The following SH2D3A variants were observed in gnomAD, a reference collection of about 807,000 sequenced individuals.
SH2D3A encodes the protein SH2 domain-containing protein 3A.
SH2D3A carries 46 observed loss-of-function variants against 50.6 expected under a neutral mutation model. The ratio of observed to expected loss-of-function variants is 0.91; its 90% CI spans 0.72 to 1.16. The LOEUF is 1.16. Ranked by LOEUF, SH2D3A falls within the 50% of genes most tolerant of loss-of-function variation. The pLI, the probability that SH2D3A is intolerant of heterozygous loss-of-function variation, is 0.00. For missense variants in SH2D3A, 783 were observed against 786.2 expected (o/e 1.00, Z 0.05); for synonymous variants, 377 against 348.4 (o/e 1.08, Z -0.91).
At chr19:6,756,425 ACTTT>A (rs1159110609) in intron 4 of SH2D3A, among the ~76,000 whole-genome samples, 2 of 151,598 alleles carry the variant, frequency 1.3e-5, no homozygotes, top group East Asian at 1.9e-4. Context: ...AGCTTATTAA[ACTTT>A]CTTTTCTTTT....
rs772945267 is a variant in SH2D3A, at chr19:6,754,813, TCCCAGGAGGTGA to T, written c.981+6_981+17del. The T allele has an allele frequency of 6.2e-7, 1 of 1,609,508 alleles. No individual in the cohort carries two copies. The highest frequency in any genetic ancestry group is 8.5e-7 in the Non-Finnish European group (1 of 1,176,886). On this transcript the variant is annotated splice_donor_region_variant and intron_variant, in intron 5 of 9. Coordinates refer to ENST00000245908, the MANE Select transcript of SH2D3A (RefSeq NM_005490.3). ...CTTGCCCTGGGCCTGGGGAGGAGCATCCCAGGAGGTGACCCACCTGGCAGTCTACCAATAGCA... is the reference window on the plus strand; with the variant it reads ...CTTGCCCTGGGCCTGGGGAGGAGCATCCCACCTGGCAGTCTACCAATAGCA...
At chr19:6,757,477 C>G (rs906979075) in intron 4 of SH2D3A, 5 of 152,046 alleles carry the variant, frequency 3.3e-5, no homozygotes, top group African/African-American at 1.2e-4. Flanking sequence ...AACACCACAC[C>G]CAGCTACCCA....
In SH2D3A at chr19:6,754,704, C is replaced by G. The variant is rs750501777; in HGVS notation, c.1009G>C (p.Asp337His). 5.0e-6 allele frequency: 8 copies of G among 1,614,074 alleles called. No individual in the cohort carries two copies. The highest frequency in any genetic ancestry group is 5.9e-6 in the Non-Finnish European group (7 of 1,180,038). ...GAGACTCCCATGTTGCCCCGCTGAT[C>G]TCTGGTCACTCCCAGGAGGCCTGTG... ...QATGLLGVTRDQRGNMGVSSG... is the reference protein window; with the variant it reads ...QATGLLGVTRHQRGNMGVSSG... Residue 337 changes from aspartate to histidine, a missense_variant, in exon 6 of 10, where the codon GAT becomes CAT. Transcript: ENST00000245908.
At position 6,753,513 on chromosome 19, in the gene SH2D3A, G is replaced by T; in HGVS notation, c.1513C>A (p.Arg505Ser). Residue 505 changes from arginine to serine, a missense_variant, in exon 9 of 10, where the codon CGT (arginine) becomes AGT (serine). Transcript: ENST00000245908. ...ERLLRTLHGARHMVRDAPKFR... is the reference protein window; with the variant it reads ...ERLLRTLHGASHMVRDAPKFR... ...TTGGGTGCGTCCCGGACCATGTGAC[G>T]CGCCCCGTGCAGGGTGCGCAACAGC... is the stretch of plus-strand genomic sequence containing the variant. The T allele has an allele frequency of 6.4e-7, 1 of 1,557,074 alleles. No homozygotes were observed. The highest frequency in any genetic ancestry group is 8.7e-7 in the Non-Finnish European group (1 of 1,150,962).
intron 3 of SH2D3A, 138 bp downstream of exon 3, chr19:6,760,500 G>A (rs1599590162): frequency 2.9e-6 from 2 of 678,902 alleles, no homozygotes; most frequent in East Asian, 5.9e-5. Context: ...GGAGGTTGCA[G>A]TGAGCTGAAA....
rs7258083 is a variant in SH2D3A, at chr19:6,760,997, A to G, written c.70-10T>C. On this transcript the variant is annotated splice_polypyrimidine_tract_variant and intron_variant, in intron 2 of 9. Transcript: ENST00000245908. Reference sequence around the variant, plus strand: ...GAAGAGCTTCAGCCTTCTGTGGATGAAGTTCAGGGGGCAGGGGAATTAGGA... The same window carrying G: ...GAAGAGCTTCAGCCTTCTGTGGATGGAGTTCAGGGGGCAGGGGAATTAGGA... 209,190 of 1,597,178 alleles carry G rather than the reference A, an allele frequency of 0.13. 15,927 individuals are homozygous for G. The highest frequency in any genetic ancestry group is 0.28 in the African/African-American group (21,166 of 74,652).
In SH2D3A at chr19:6,760,806, T is replaced by C; in HGVS notation, c.251A>G (p.Gln84Arg). Residue 84 changes from glutamine (Q) to arginine (R), a missense_variant, in exon 3 of 10, where the codon CAA (glutamine) becomes CGA (arginine). By Grantham distance (43) the Gln-to-Arg change is conservative (BLOSUM62 1). Coordinates refer to ENST00000245908, the MANE Select transcript of SH2D3A (RefSeq NM_005490.3). ...AACCAGAGCCGGTATGCTGGGGAAT[T>C]GCTCATCCTCCAGTTGAAAGAGGGC... is the stretch of plus-strand genomic sequence containing the variant. ...PTALFQLEDE[Q>R]FPSIPALVHS... 6.2e-7 allele frequency: 1 copy of C among 1,614,240 alleles called. No individual in the cohort carries two copies. Among genetic ancestry groups the C allele is most frequent in the South Asian group, 1.1e-5 (1 of 91,088 alleles).
At chr19:6,763,618 C>G in intron 2 of SH2D3A, 62 bp downstream of exon 2, 1 of 1,517,748 alleles carries the variant, frequency 6.6e-7, no homozygotes, top group Non-Finnish European at 9.0e-7. Flanking sequence ...ACCCAGGAAT[C>G]CTCAGCAAGG....
rs984771407 is a variant in SH2D3A at position 6,755,244 on chromosome 19, G to A, written c.568C>T (p.Pro190Ser). 2.6e-6 allele frequency: 4 copies of A among 1,532,788 alleles called. No individual in the cohort carries two copies. The highest frequency in any genetic ancestry group is 3.5e-6 in the Non-Finnish European group (4 of 1,140,204). The allele number at this position is 1,532,788 out of a possible 1,614,324, so 94.9% of individuals were successfully genotyped here. Residue 190 changes from proline (P) to serine (S), a missense_variant, in exon 5 of 10, where the codon CCC becomes TCC. Physicochemically the swap from Pro to Ser is moderately conservative, Grantham distance 74. Coordinates refer to ENST00000245908, the MANE Select transcript of SH2D3A (RefSeq NM_005490.3). ...SDPVLLKAPAPLGTVADSLRA... is the reference protein window; with the variant it reads ...SDPVLLKAPASLGTVADSLRA... ...AGACTGTCGGCAACAGTTCCCAGGG[G>A]AGCAGGGGCCTTCAGCAACACCGGG... is the stretch of plus-strand genomic sequence containing the variant.
chr19:6,756,634 TA>T (rs1969696164), intron 4 of SH2D3A, among the ~76,000 whole-genome samples: 1 of 152,140 alleles, frequency 6.6e-6, no homozygotes, highest in African/African-American at 2.4e-5. Context: ...CTTAAAACTG[TA>T]CTAAGACTTT....
At chr19:6,763,605 G>A in intron 2 of SH2D3A, 75 bp downstream of exon 2, 2 of 1,432,618 alleles carry the variant, frequency 1.4e-6, no homozygotes, top group Non-Finnish European at 9.6e-7. Context: ...CCCTCATCCA[G>A]GGACCCAGGA....
At chr19:6,753,434 C>A in intron 9 of SH2D3A, 22 bp downstream of exon 9, 1 of 1,477,612 alleles carries the variant, frequency 6.8e-7, no homozygotes, top group South Asian at 1.3e-5. Context: ...AGTCTGCAGT[C>A]CAGCGCAGAG....
In SH2D3A at chr19:6,754,933, C is replaced by A; in HGVS notation, c.879G>T (p.Gln293His). 1 of 1,613,244 alleles carries A rather than the reference C, an allele frequency of 6.2e-7. No individual in the cohort carries two copies. Among genetic ancestry groups the A allele is most frequent in the Non-Finnish European group, 8.5e-7 (1 of 1,179,472 alleles). ...GGACTTGGGGTTCCAGGGGCCGATT[C>A]TGGGGGCCCAGCAGGCAGGAGGGGG... Reference protein sequence around the residue: ...HDAPSCLLGPQNRPLEPQVLH... With the variant: ...HDAPSCLLGPHNRPLEPQVLH... The change falls in exon 5 of 10, where the codon CAG becomes CAT. Residue 293 changes from glutamine to histidine, a missense_variant. Physicochemically the swap from Gln to His is conservative, Grantham distance 24. Coordinates refer to ENST00000245908, the MANE Select transcript of SH2D3A (RefSeq NM_005490.3).
intron 9 of SH2D3A, 176 bp downstream of exon 9, chr19:6,753,280 G>GA: frequency 3.0e-6 from 3 of 985,448 alleles, no homozygotes; most frequent in Non-Finnish European, 3.6e-6. Flanking sequence ...AATACCGCTG[G>GA]ATGCAGCGTT....
chr19:6,761,007 G>A lies in SH2D3A; in HGVS notation c.70-20C>T, dbSNP rs542474671. ...AGCCTTCTGTGGATGAAGTTCAGGG[G>A]GCAGGGGAATTAGGAATGAGTCCAG... is the stretch of plus-strand genomic sequence containing the variant. On this transcript the variant is annotated intron_variant, in intron 2 of 9. Coordinates refer to ENST00000245908, the MANE Select transcript of SH2D3A (RefSeq NM_005490.3). 1.0e-5 allele frequency: 16 copies of A among 1,580,442 alleles called. No homozygotes were observed. The highest frequency in any genetic ancestry group is 9.2e-5 in the South Asian group (8 of 86,996).
rs762618656 is a variant in SH2D3A at position 6,755,017 on chromosome 19, C to T, written c.795G>A (p.Glu265=). Residue 265 remains glutamate (E), a synonymous_variant, in exon 5 of 10, where the codon GAG becomes GAA. Coordinates refer to ENST00000245908, the MANE Select transcript of SH2D3A (RefSeq NM_005490.3). The stretch of plus-strand genomic sequence containing the variant: ...GTCTTGTAAAACATCTATTCTCTTC[C>T]TCCTCATCCTCCTCGGCCTCCCACC... ...APWWEAEEDE[E]EENRCFTRPQ... 3.7e-6 allele frequency: 6 copies of T among 1,613,638 alleles called. No individual in the cohort carries two copies. In the Admixed American group the frequency reaches 6.7e-5, roughly 18 times the overall value.
At position 6,754,861 on chromosome 19, in the gene SH2D3A, G is replaced by A. The variant is rs748533528; in HGVS notation, c.951C>T (p.Thr317=). ...AGTCTACCAATAGCAGGTGAAGGGC[G>A]GTGCTCCCAGGATGGTGCTCCAGGA... The part of the protein sequence containing the change: ...GLFLEHHPGS[T]ALHLLLVDCQ... The change falls in exon 5 of 10, where the codon ACC becomes ACT. Residue 317 remains threonine, a synonymous_variant. Transcript: ENST00000245908. 58 of 1,598,082 alleles carry A rather than the reference G, an allele frequency of 3.6e-5. No individual in the cohort carries two copies. In the Admixed American group the frequency reaches 3.7e-4, roughly 10 times the overall value.
chr19:6,755,092 A>G lies in SH2D3A; in HGVS notation c.720T>C (p.Ser240=). The change falls in exon 5 of 10, where the codon AGT becomes AGC. Residue 240 remains serine (S), a synonymous_variant. Transcript: ENST00000245908. ...TYCELVPRVP[S]VQGTSPSQSC... is the part of the protein sequence containing the mutation. ...TTTGGCTCGGGGATGTTCCCTGGAC[A>G]CTGGGCACTCGGGGCACCAGCTCGC... The G allele has an allele frequency of 6.2e-7, 1 of 1,613,998 alleles. No individual in the cohort carries two copies. The highest frequency in any genetic ancestry group is 8.5e-7 in the Non-Finnish European group (1 of 1,179,966).
chr19:6,759,767 G>C (rs1969903109), intron 3 of SH2D3A, 97 bp from the exon 4 acceptor site: 2 of 1,249,292 alleles, frequency 1.6e-6, no homozygotes, highest in Non-Finnish European at 2.3e-6. Context: ...CTGTACCAGT[G>C]AGTCTCAACC....
Sources: allele counts gnomAD v4.1 joint callset (sites outside exome capture counted in the v4.1 genomes callset), GRCh38; gene constraint gnomAD v4.1.1; transcripts MANE v1.5; gene names NCBI Gene and HGNC (gene_info 2026-07-23, HGNC 2026-07-21).